The following TANC2 variants were observed in gnomAD, a reference collection of about 807,000 sequenced individuals.
The protein encoded by TANC2 is tetratricopeptide repeat, ankyrin repeat and coiled-coil containing 2.
A neutral mutation model predicts 210.5 loss-of-function variants in TANC2; 26 were observed. That is an observed-to-expected ratio of 0.12 (90% CI 0.09 to 0.17). TANC2 has a LOEUF of 0.17. Among genes scored for constraint, TANC2 ranks in the 10% least tolerant of loss-of-function variants. The pLI, the probability that TANC2 is intolerant of heterozygous loss-of-function variation, is 1.00. For missense variants in TANC2, 2,129 were observed against 2,608.9 expected, an observed-to-expected ratio of 0.82 and a Z score of 4.01; for synonymous variants, 931 against 967.1, an observed-to-expected ratio of 0.96 and a Z score of 0.69.
chr17:63,141,379 TAAAAAAAAAAAAA>T (rs71155970), intron 4 of TANC2, among the ~76,000 whole-genome samples: 25 of 21,874 alleles, frequency 1.1e-3, no homozygotes, highest in East Asian at 4.0e-3. Context: ...CCGTTTCTAC[TAAAAAAAAAAAAA>T]AAAAAAAAAA....
intron 26 of TANC2, 66 bp downstream of exon 26, chr17:63,415,740 G>C: frequency 6.4e-7 from 1 of 1,557,248 alleles, no homozygotes; most frequent in Non-Finnish European, 8.7e-7. Context: ...TCACTCACTA[G>C]CTTTTACCAG....
chr17:63,314,486 T>A (rs772644087), exon 10 of TANC2: 1 of 1,613,950 alleles, frequency 6.2e-7, no homozygotes, highest in Admixed American at 1.7e-5. Context: ...TGGCCGAGAT[T>A]GGGTTTTCCA....
intron 2 of TANC2, among the ~76,000 whole-genome samples, chr17:63,043,203 A>G (rs1374328060): frequency 6.6e-6 from 1 of 152,058 alleles, no homozygotes; most frequent in Non-Finnish European, 1.5e-5. Context: ...TGTCTCTCAC[A>G]TTGTAAAGTC....
At chr17:63,426,045 G>C (rs142567765) in exon 28 of TANC2, 1 of 152,244 alleles carries the variant, frequency 6.6e-6, no homozygotes, top group Admixed American at 6.5e-5. Flanking sequence ...AGAGGTGCCC[G>C]CCCCTGTGCC....
intron 1 of TANC2, among the ~76,000 whole-genome samples, chr17:62,973,411 T>A (rs982635606): frequency 6.6e-6 from 1 of 152,228 alleles, no homozygotes; most frequent in Non-Finnish European, 1.5e-5. Context: ...ACTTTTCATC[T>A]TTTCAGCATC....
exon 28 of TANC2, chr17:63,423,595 G>C (rs2049075804): frequency 6.6e-6 from 1 of 152,258 alleles, no homozygotes. Context: ...GCTGCGACCA[G>C]TCCCATGTGT....
At chr17:63,307,413 T>C (rs1278506162) in intron 9 of TANC2, among the ~76,000 whole-genome samples, 1 of 152,198 alleles carries the variant, frequency 6.6e-6, no homozygotes, top group Non-Finnish European at 1.5e-5. Context: ...CTTATATCAA[T>C]TCATGTAAGT....
At chr17:63,328,105 G>A (rs2045709170) in intron 11 of TANC2, among the ~76,000 whole-genome samples, 1 of 152,198 alleles carries the variant, frequency 6.6e-6, no homozygotes, top group South Asian at 2.1e-4. Context: ...ACCAAATACT[G>A]CATGTTCTTG....
In TANC2 at chr17:63,125,748, A is replaced by C. The variant is rs1021857267; in HGVS notation, c.323-25522A>C. 1.3e-4 allele frequency among the ~76,000 whole-genome samples: 20 copies of C among 152,240 alleles called. 1 individual carries two copies. The highest frequency in any genetic ancestry group is 1.0e-3 in the Admixed American group (16 of 15,286). On this transcript the variant is annotated intron_variant, in intron 4 of 27. Coordinates refer to ENST00000689528, the Ensembl canonical transcript of TANC2. ...AACCCTTTACCAAAAAAGTATGATAAATATATTGTCACATTGTTATGATAT... is the reference window on the plus strand; with the variant it reads ...AACCCTTTACCAAAAAAGTATGATACATATATTGTCACATTGTTATGATAT...
At chr17:63,334,560 A>G (rs1197178171) in intron 11 of TANC2, among the ~76,000 whole-genome samples, 1 of 152,212 alleles carries the variant, frequency 6.6e-6, no homozygotes, top group African/African-American at 2.4e-5. Flanking sequence ...AATCACTATT[A>G]GGCAAACACT....
chr17:63,358,376 A>ATGTGTGTGTGTGTGTGTGT (rs1555641222), intron 14 of TANC2, among the ~76,000 whole-genome samples: 16 of 81,036 alleles, frequency 2.0e-4, no homozygotes, highest in African/African-American at 5.9e-4. Context: ...AGAGAGAGAG[A>ATGTGTGTGTGTGTGTGTGT]GTATGTGTGT....
intron 12 of TANC2, among the ~76,000 whole-genome samples, chr17:63,348,756 A>T (rs1021937288): frequency 6.6e-6 from 1 of 152,150 alleles, no homozygotes; most frequent in African/African-American, 2.4e-5. Flanking sequence ...TTTTTAAGCT[A>T]CTGATTTAAA....
At chr17:63,117,947 T>G (rs556108756) in intron 4 of TANC2, among the ~76,000 whole-genome samples, 2 of 152,346 alleles carry the variant, frequency 1.3e-5, no homozygotes, top group South Asian at 4.1e-4. Context: ...TTGCTTTATA[T>G]ATTTATATGC....
intron 8 of TANC2, among the ~76,000 whole-genome samples, chr17:63,241,311 C>G (rs1464847858): frequency 6.6e-6 from 1 of 152,112 alleles, no homozygotes; most frequent in Non-Finnish European, 1.5e-5. Flanking sequence ...CAGCATTTAT[C>G]ACTATTTGCT....
chr17:63,038,540 A>T (rs2035062984), intron 2 of TANC2, among the ~76,000 whole-genome samples: 1 of 152,052 alleles, frequency 6.6e-6, no homozygotes, highest in Non-Finnish European at 1.5e-5. Flanking sequence ...TCATAAAATG[A>T]ATTGGGAGTA....
At chr17:63,326,140 G>A (rs2045637159) in intron 11 of TANC2, among the ~76,000 whole-genome samples, 2 of 152,146 alleles carry the variant, frequency 1.3e-5, no homozygotes, top group Non-Finnish European at 2.9e-5. Context: ...AGCCATTGAG[G>A]CATACTGTAA....
Position 63,205,589 on chromosome 17 carries a change from T to C in TANC2, c.769+4632T>C, listed in dbSNP as rs1370958749. On this transcript the variant is annotated intron_variant, in intron 7 of 27. Transcript: ENST00000689528. ...GGACTTGACATAAATTTAAAACTTT[T>C]GTGCATCAAATGATACTATCAAGAG... Among the ~76,000 whole-genome samples, 4 of 152,046 alleles carry C rather than the reference T, an allele frequency of 2.6e-5. No individual in the cohort carries two copies. In the East Asian group the frequency reaches 7.7e-4, roughly 29 times the overall value.
intron 4 of TANC2, among the ~76,000 whole-genome samples, chr17:63,114,621 A>C (rs2038182952): frequency 6.6e-6 from 1 of 152,228 alleles, no homozygotes; most frequent in Non-Finnish European, 1.5e-5. Context: ...TCCTGTGAGA[A>C]TAGAGATTTC....
intron 3 of TANC2, among the ~76,000 whole-genome samples, chr17:63,090,192 G>A (rs953068956): frequency 1.2e-4 from 18 of 149,168 alleles, no homozygotes; most frequent in East Asian, 3.9e-4. Context: ...TCTTTTGACC[G>A]TATTACTGAC....
Sources: gnomAD v4.1 joint callset for allele counts (sites outside exome capture counted in the v4.1 genomes callset) on GRCh38, gnomAD v4.1.1 for gene constraint, MANE v1.5 for transcripts, NCBI Gene and HGNC (gene_info 2026-07-23, HGNC 2026-07-21) for gene names.